Variants in CEP63 observed in about 807,000 individuals in gnomAD.
CEP63 encodes the protein centrosomal protein 63.
In CEP63, 84 loss-of-function variants were observed where a neutral mutation model predicts 89.1. That is an observed-to-expected ratio of 0.94 (90% CI 0.79 to 1.13). The LOEUF is 1.13. Ranked by LOEUF, CEP63 falls within the 50% of genes most tolerant of loss-of-function variation. The pLI is 0.00. For missense variants in CEP63, 838 were observed against 813.3 expected, an observed-to-expected ratio of 1.03 and a Z score of -0.37; for synonymous variants, 267 against 272.5, an observed-to-expected ratio of 0.98 and a Z score of 0.20.
At chr3:134,636,272 C>T in the CEP63 span, among the ~76,000 whole-genome samples, 78 of 152,320 alleles carry the variant, frequency 5.1e-4, no homozygotes, top group South Asian at 3.7e-3. Context: ...AGAGAATGCC[C>T]ATTGTGCACA....
At chr3:134,587,928 A>C (rs1958519378), downstream of CEP63, among the ~76,000 whole-genome samples, 1 of 152,198 alleles carries the variant, frequency 6.6e-6, no homozygotes, top group South Asian at 2.1e-4. Flanking sequence ...AAGACTAACA[A>C]ACTTGAATTA....
downstream of CEP63, among the ~76,000 whole-genome samples, chr3:134,587,954 A>C (rs1958519725): frequency 6.6e-6 from 1 of 152,228 alleles, no homozygotes. Flanking sequence ...CATATGAAGA[A>C]GATTCCACCC....
At chr3:134,610,183 A>C in the CEP63 span, 1 of 1,609,332 alleles carries the variant, frequency 6.2e-7, no homozygotes, top group South Asian at 1.1e-5. Context: ...CAGAACTGAG[A>C]CAAGTACTTA....
At position 134,583,924 on chromosome 3, in the gene CEP63, C is replaced by T. The variant is rs535953523; in HGVS notation, c.1207-3534C>T. ...CCTTGTAAGTTGGATTCCTAGGTAT[C>T]TTATTCTCTTTGTAGCAATTGTGAA... On this transcript the variant is annotated intron_variant, in intron 10 of 10. Transcript: ENST00000683931. Among the ~76,000 whole-genome samples the T allele has an allele frequency of 8.1e-3, 1,230 of 152,136 alleles. 2 individuals are homozygous for T. Among genetic ancestry groups the T allele is most frequent in the Admixed American group, 0.018 (280 of 15,284 alleles).
At chr3:134,507,432 A>C in intron 3 of CEP63, 146 bp downstream of exon 3, 2 of 637,318 alleles carry the variant, frequency 3.1e-6, no homozygotes, top group Non-Finnish European at 5.4e-6. Flanking sequence ...TTATTTTAGA[A>C]GAAAAATTCA....
At chr3:134,519,620 C>T (rs1452431746) in intron 3 of CEP63, among the ~76,000 whole-genome samples, 3 of 152,094 alleles carry the variant, frequency 2.0e-5, no homozygotes, top group African/African-American at 7.2e-5. Context: ...ATCTTTATTT[C>T]AAAACTTAAC....
the CEP63 span, among the ~76,000 whole-genome samples, chr3:134,649,132 A>C: frequency 6.6e-6 from 1 of 152,222 alleles, no homozygotes; most frequent in South Asian, 2.1e-4. Context: ...AGTGACACAG[A>C]TCTCTACACT....
the CEP63 span, among the ~76,000 whole-genome samples, chr3:134,777,477 G>A: frequency 6.6e-6 from 1 of 151,746 alleles, no homozygotes; most frequent in African/African-American, 2.4e-5. Context: ...ATCAATTACT[G>A]GACTTGTCTA....
chr3:134,740,594 G>T, the CEP63 span, among the ~76,000 whole-genome samples: 1 of 152,122 alleles, frequency 6.6e-6, no homozygotes. Context: ...ACCGTGCCCC[G>T]CCTCTTTCTC....
chr3:134,625,222 G>A, the CEP63 span: 1 of 999,874 alleles, frequency 1.0e-6, no homozygotes, highest in Non-Finnish European at 1.5e-6. Flanking sequence ...TTGAGGAGCT[G>A]TGACTGTCCA....
the CEP63 span, among the ~76,000 whole-genome samples, chr3:134,684,324 TA>T: frequency 1.3e-5 from 2 of 152,352 alleles, no homozygotes; most frequent in Non-Finnish European, 2.9e-5. Context: ...GCCGCCCAGA[TA>T]AAGTCTTCCT....
At chr3:134,720,560 C>T in the CEP63 span, among the ~76,000 whole-genome samples, 6 of 152,220 alleles carry the variant, frequency 3.9e-5, no homozygotes, top group East Asian at 3.9e-4. Context: ...TAAAGATTCA[C>T]CACTGTGTTT....
chr3:134,552,774 A>T (rs1289277190), intron 12 of CEP63: 4 of 152,178 alleles, frequency 2.6e-5, no homozygotes, highest in African/African-American at 9.6e-5. Context: ...AATATTTTAG[A>T]ATCTTTTATA....
chr3:134,729,859 G>C, the CEP63 span, among the ~76,000 whole-genome samples: 1 of 152,186 alleles, frequency 6.6e-6, no homozygotes, highest in Non-Finnish European at 1.5e-5. Flanking sequence ...CAAGGGACCA[G>C]GTGGGAGTTC....
At chr3:134,629,255 G>A in the CEP63 span, 2 of 228,774 alleles carry the variant, frequency 8.7e-6, no homozygotes, top group Non-Finnish European at 8.9e-6. Flanking sequence ...GATGATATTA[G>A]TATACATCAA....
At chr3:134,683,604 A>T in the CEP63 span, among the ~76,000 whole-genome samples, 1 of 152,154 alleles carries the variant, frequency 6.6e-6, no homozygotes, top group African/African-American at 2.4e-5. Context: ...AATCAAGACT[A>T]TATTCCTCAT....
chr3:134,706,333 G>A, the CEP63 span, among the ~76,000 whole-genome samples: 1 of 152,076 alleles, frequency 6.6e-6, no homozygotes, highest in Non-Finnish European at 1.5e-5. Flanking sequence ...TCTATTAACT[G>A]GTTTCATTAC....
intron 10 of CEP63, 98 bp downstream of exon 10, chr3:134,549,274 T>C: frequency 1.3e-6 from 1 of 784,144 alleles, no homozygotes; most frequent in Admixed American, 2.0e-5. Context: ...GAGAAAAAAA[T>C]GTAGTTCAAG....
the CEP63 span, among the ~76,000 whole-genome samples, chr3:134,750,589 C>T: frequency 7.2e-5 from 11 of 152,160 alleles, no homozygotes; most frequent in African/African-American, 2.7e-4. Context: ...TGGTACCCAA[C>T]CTGACACTAG....
Sources: allele counts gnomAD v4.1 joint callset (sites outside exome capture counted in the v4.1 genomes callset), GRCh38; gene constraint gnomAD v4.1.1; transcripts MANE v1.5; gene names NCBI Gene and HGNC (gene_info 2026-07-23, HGNC 2026-07-21).